The following CACNA1H variants were observed in gnomAD, a reference collection of about 807,000 sequenced individuals.
The protein encoded by CACNA1H is voltage-dependent T-type calcium channel subunit alpha-1H.
Under a neutral mutation model 192.5 loss-of-function variants are expected in CACNA1H, and 149 were observed. The ratio of observed to expected loss-of-function variants is 0.77; its 90% confidence interval spans 0.68 to 0.89. The LOEUF (loss-of-function observed/expected upper bound fraction) is 0.89, where lower values mean the gene tolerates loss of function less well. Among genes scored for constraint, CACNA1H ranks in the 40% least tolerant of loss-of-function variants. CACNA1H has a pLI of 0.00. For missense variants in CACNA1H, 4,257 were observed against 3,423.5 expected (o/e 1.24, Z -6.08); for synonymous variants, 2,202 against 1,475.2 (o/e 1.49, Z -11.29).
chr16:1,208,315 C>G (rs1969000207), intron 16 of CACNA1H, 94 bp downstream of exon 16: 1 of 831,622 alleles, frequency 1.2e-6, no homozygotes. Flanking sequence ...GAGGGCCGCA[C>G]CCCCCACACC....
rs765455560 is a variant in CACNA1H at position 1,217,916 on chromosome 16, C to T, written c.5324-3C>T. 1.3e-6 allele frequency: 2 copies of T among 1,599,796 alleles called. No homozygotes were observed. The highest frequency in any genetic ancestry group is 1.7e-5 in the Admixed American group (1 of 58,540). ...TGACCGGGCGGGGTCTCCCTCCCCG[C>T]AGAGTGCAGTGAAGACAACCCCTGC... On this transcript the variant is annotated splice_region_variant and splice_polypyrimidine_tract_variant and intron_variant, in intron 31 of 34. Transcript: ENST00000348261.
chr16:1,207,122 G>C lies in CACNA1H; in HGVS notation c.2907+4G>C, dbSNP rs1156877215. The C allele has an allele frequency of 1.3e-6, 2 of 1,580,366 alleles. No homozygotes were observed. Among genetic ancestry groups the C allele is most frequent in the Non-Finnish European group, 1.7e-6 (2 of 1,162,486 alleles). ...GGCCATCGTCACCGTGTTCCAGGTA[G>C]TGCCCGGGGTCCCCGCAGCAGTGTT... On this transcript the variant is annotated splice_donor_region_variant and intron_variant, in intron 13 of 34. Coordinates refer to ENST00000348261, the MANE Select transcript of CACNA1H (RefSeq NM_021098.3).
chr16:1,190,079 T>C (rs1288142607), intron 2 of CACNA1H, among the ~76,000 whole-genome samples: 1 of 152,020 alleles, frequency 6.6e-6, no homozygotes, highest in Non-Finnish European at 1.5e-5. Context: ...GGCCTCAGGG[T>C]CTGGTGGAGG....
rs41292281 is a variant in CACNA1H, at chr16:1,200,763, C to T, written c.1167C>T (p.Asp389=). 4.6e-5 allele frequency: 72 copies of T among 1,556,304 alleles called. No individual in the cohort carries two copies. The East Asian group carries it at 6.3e-4, about 14-fold the overall frequency. Reference sequence around the variant, plus strand: ...TGGACATCATGTACTACGTCATGGACGCCCACTCATTCTACAACTTCATCT... The same window carrying T: ...TGGACATCATGTACTACGTCATGGATGCCCACTCATTCTACAACTTCATCT... ...GWVDIMYYVM[D]AHSFYNFIYF... is the part of the protein sequence containing the mutation. The change falls in exon 8 of 35, where the codon GAC becomes GAT. Residue 389 remains aspartate (D), a synonymous_variant. Transcript: ENST00000348261.
Position 1,207,305 on chromosome 16 carries a change from C to T in CACNA1H, c.2938C>T (p.Leu980=), listed in dbSNP as rs1185035611. The T allele has an allele frequency of 1.3e-5, 21 of 1,610,574 alleles. No homozygotes were observed. The highest frequency in any genetic ancestry group is 3.4e-5 in the Admixed American group (2 of 59,626). Residue 980 remains leucine (L), a synonymous_variant, in exon 14 of 35, where the codon CTG becomes TTG. Coordinates refer to ENST00000348261, the MANE Select transcript of CACNA1H (RefSeq NM_021098.3). The part of the protein sequence containing the change: ...ILTQEDWNVV[L]YNGMASTSSW... Reference sequence around the variant, plus strand: ...GACCCAGGAGGACTGGAACGTGGTCCTGTACAACGGCATGGCCTCCACCTC... The same window carrying T: ...GACCCAGGAGGACTGGAACGTGGTCTTGTACAACGGCATGGCCTCCACCTC...
At chr16:1,176,251 G>A (rs759388571) in intron 2 of CACNA1H, among the ~76,000 whole-genome samples, 30 of 152,248 alleles carry the variant, frequency 2.0e-4, no homozygotes, top group Admixed American at 7.2e-4. Flanking sequence ...TGAGCTTGGA[G>A]CTCTAATTAG....
chr16:1,167,373 G>A lies in CACNA1H; in HGVS notation c.299+13337G>A, dbSNP rs546154409. On this transcript the variant is annotated intron_variant, in intron 2 of 34. Transcript: ENST00000348261. This position sits in a 1 kb window ranked among gnomAD's most constrained non-coding sequence, Gnocchi z 4.2. ...GAGCGGGCGGGGTGGCGCCCGGGCC[G>A]CGGGTGGGAGAATCTGGCGTGTGTG... 4.6e-5 allele frequency among the ~76,000 whole-genome samples: 7 copies of A among 152,228 alleles called. No homozygotes were observed. The highest frequency in any genetic ancestry group is 5.9e-5 in the Non-Finnish European group (4 of 68,014).
Position 1,200,822 on chromosome 16 carries a change from G to A in CACNA1H, c.1212+14G>A, listed in dbSNP as rs1967776843. Reference sequence around the variant, plus strand: ...CTGCTCATCATCGTGAGTGTGGGCGGCAGTGTTCGCCATGATGGGCCCTGG... The same window carrying A: ...CTGCTCATCATCGTGAGTGTGGGCGACAGTGTTCGCCATGATGGGCCCTGG... On this transcript the variant is annotated intron_variant, in intron 8 of 34. Transcript: ENST00000348261. The A allele has an allele frequency of 6.5e-7, 1 of 1,546,750 alleles. No individual in the cohort carries two copies. Among genetic ancestry groups the A allele is most frequent in the Non-Finnish European group, 8.7e-7 (1 of 1,143,084 alleles).
intron 2 of CACNA1H, chr16:1,157,674 CTT>C (rs915471784): frequency 3.3e-5 from 5 of 152,436 alleles, no homozygotes; most frequent in East Asian, 1.9e-4. Flanking sequence ...CTCTTGAACA[CTT>C]TGTCTTAGCA....
intron 2 of CACNA1H, among the ~76,000 whole-genome samples, chr16:1,158,983 C>T (rs566269069): frequency 3.3e-5 from 5 of 152,322 alleles, no homozygotes; most frequent in Admixed American, 2.0e-4. Flanking sequence ...GTCTGTCGCC[C>T]GGATCCTTCA....
Position 1,220,216 on chromosome 16 carries a change from A to T in CACNA1H, c.6284A>T (p.Asp2095Val). 6.4e-7 allele frequency: 1 copy of T among 1,572,874 alleles called. No homozygotes were observed. The highest frequency in any genetic ancestry group is 8.6e-7 in the Non-Finnish European group (1 of 1,164,448). The change falls in exon 35 of 35, where the codon GAC (aspartate) becomes GTC (valine). Residue 2095 changes from aspartate to valine, a missense_variant. Physicochemically the swap from Asp to Val is radical, Grantham distance 152. Coordinates refer to ENST00000348261, the MANE Select transcript of CACNA1H (RefSeq NM_021098.3). Reference protein sequence around the residue: ...APGGEEAEASDPADEEVSHIT... With the variant: ...APGGEEAEASVPADEEVSHIT... ...GGCGGAGAGGAGGCCGAGGCCTCGG[A>T]CCCAGCCGACGAGGAGGTCAGCCAC...
chr16:1,155,099 C>G (rs529718840), intron 2 of CACNA1H, among the ~76,000 whole-genome samples: 14 of 152,338 alleles, frequency 9.2e-5, no homozygotes, highest in Admixed American at 3.3e-4. Context: ...TTTAACTGTA[C>G]AAATATTAAA....
intron 31 of CACNA1H, 86 bp from the exon 32 acceptor site, chr16:1,217,833 C>T (rs530825073): frequency 1.9e-5 from 28 of 1,480,324 alleles, no homozygotes; most frequent in Middle Eastern, 2.0e-4. Flanking sequence ...CTCTGGGCTC[C>T]CCAAGGGGCA....
intron 2 of CACNA1H, among the ~76,000 whole-genome samples, chr16:1,162,425 T>G (rs1182941089): frequency 6.6e-6 from 1 of 152,122 alleles, no homozygotes. Flanking sequence ...CTTGACGCAG[T>G]AACAGGAGTC....
intron 27 of CACNA1H, 122 bp from the exon 28 acceptor site, chr16:1,214,850 C>T (rs1314114806): frequency 7.2e-6 from 5 of 690,424 alleles, no homozygotes; most frequent in Non-Finnish European, 1.3e-5. Flanking sequence ...GGAGGAGCTA[C>T]TGAGCTGACC....
chr16:1,173,941 A>C (rs930107881), intron 2 of CACNA1H, among the ~76,000 whole-genome samples: 7 of 151,808 alleles, frequency 4.6e-5, no homozygotes, highest in African/African-American at 1.7e-4. Flanking sequence ...AGTTGTGGAC[A>C]TTAACCTGTG....
intron 5 of CACNA1H, 24 bp from the exon 6 acceptor site, chr16:1,198,591 C>G (rs767009619): frequency 1.2e-6 from 2 of 1,610,946 alleles, no homozygotes; most frequent in East Asian, 2.2e-5. Context: ...TTAGCAGTGC[C>G]AATCCTGGCC....
chr16:1,198,794 G>C lies in CACNA1H; in HGVS notation c.803+20G>C, dbSNP rs777633784. ...TGTCAGGTGCCCAGGCCCCACCCCC[G>C]TGAGGCCCCTGCCCAGATGGCCCTG... On this transcript the variant is annotated intron_variant, in intron 6 of 34. Transcript: ENST00000348261. The C allele has an allele frequency of 2.5e-6, 4 of 1,594,786 alleles. No individual in the cohort carries two copies. Among genetic ancestry groups the C allele is most frequent in the Non-Finnish European group, 3.4e-6 (4 of 1,173,104 alleles).
chr16:1,207,743 G>A (rs753948873), intron 14 of CACNA1H, 27 bp from the exon 15 acceptor site: 8 of 1,568,772 alleles, frequency 5.1e-6, no homozygotes, highest in Non-Finnish European at 6.1e-6. Context: ...GGCCCCTCAT[G>A]CCTGCCTTGT....
Sources: allele counts gnomAD v4.1 joint callset (sites outside exome capture counted in the v4.1 genomes callset), GRCh38; gene constraint gnomAD v4.1.1; non-coding constraint Gnocchi (gnomAD v3.1); transcripts MANE v1.5; gene names NCBI Gene and HGNC (gene_info 2026-07-23, HGNC 2026-07-21).